The following ZNF226 variants were observed in gnomAD, a reference collection of about 807,000 sequenced individuals.
The protein encoded by ZNF226 is zinc finger protein 226.
Under a neutral mutation model 11.4 loss-of-function variants are expected in ZNF226, and 6 were observed. That is an observed-to-expected ratio of 0.53 (90% confidence interval 0.29 to 1.04). The LOEUF (loss-of-function observed/expected upper bound fraction) is 1.04, where lower values mean the gene tolerates loss of function less well. Among genes scored for constraint, ZNF226 ranks in the 50% least tolerant of loss-of-function variants. The probability of loss-of-function intolerance (pLI) is 0.08; values close to 1 mark genes in which losing one functional copy is unlikely to be tolerated. For missense variants in ZNF226, 1,058 were observed against 956.5 expected, an observed-to-expected ratio of 1.11 and a Z score of -1.40; for synonymous variants, 350 against 322.8, an observed-to-expected ratio of 1.08 and a Z score of -0.90.
the ZNF226 span, among the ~76,000 whole-genome samples, chr19:44,192,301 C>T: frequency 2.6e-5 from 4 of 151,710 alleles, no homozygotes; most frequent in African/African-American, 4.9e-5. Flanking sequence ...AGAGAGCGAG[C>T]GAGAGAGCGA....
chr19:44,180,532 A>G (rs1009970246), downstream of ZNF226, among the ~76,000 whole-genome samples: 1 of 152,202 alleles, frequency 6.6e-6, no homozygotes, highest in African/African-American at 2.4e-5. Context: ...TCAGTAGCTT[A>G]GTGAGTTAAG....
chr19:44,180,606 A>T (rs1970892814), downstream of ZNF226, among the ~76,000 whole-genome samples: 1 of 152,166 alleles, frequency 6.6e-6, no homozygotes, highest in African/African-American at 2.4e-5. Flanking sequence ...GGTTTATTAG[A>T]ATATAGCAAT....
intron 5 of ZNF226, chr19:44,173,349 A>G (rs1970334772): frequency 7.1e-6 from 2 of 283,016 alleles, no homozygotes; most frequent in Non-Finnish European, 1.3e-5. Context: ...CAGACCTATC[A>G]AGGATGCTTC....
the ZNF226 span, among the ~76,000 whole-genome samples, chr19:44,195,255 C>G: frequency 2.0e-5 from 3 of 152,032 alleles, no homozygotes; most frequent in Admixed American, 2.0e-4. Flanking sequence ...AAGAACTTAC[C>G]AAACGAAGGA....
Position 44,170,085 on chromosome 19 carries a change from A to T in ZNF226, c.5A>T (p.Asn2Ile), listed in dbSNP as rs771432384. Residue 2 changes from asparagine to isoleucine, a missense_variant, in exon 3 of 6, where the codon AAT becomes ATT. Coordinates refer to ENST00000337433, the MANE Select transcript of ZNF226 (RefSeq NM_001032373.2). M[N>I]MFKEAVTFKD... ...CCCCAGAAGGAAGAATTAAAAATGA[A>T]TATGTTCAAGGTGAGTAGAGCTTGC... is the stretch of plus-strand genomic sequence containing the variant. 3.6e-5 allele frequency: 58 copies of T among 1,612,362 alleles called. No individual in the cohort carries two copies. Among genetic ancestry groups the T allele is most frequent in the Non-Finnish European group, 4.7e-5 (56 of 1,179,132 alleles).
rs34967576 is a variant in ZNF226, at chr19:44,168,998, CTTTTTTTTT to C, written c.-46-1017_-46-1009del. Among the ~76,000 whole-genome samples, 5 of 90,818 alleles carry C rather than the reference CTTTTTTTTT, an allele frequency of 5.5e-5. 1 individual carries two copies. Among genetic ancestry groups the C allele is most frequent in the East Asian group, 6.0e-4 (2 of 3,342 alleles). 59.6% of individuals were successfully genotyped at this position (90,818 alleles called of 152,430 possible). A position where few individuals can be genotyped will look rare whatever the true frequency, so the allele number is the denominator to read the frequency against. On this transcript the variant is annotated intron_variant, in intron 2 of 5. Transcript: ENST00000337433. ...TATAGACTCAGGTTCCTCCCTTTTC[CTTTTTTTTT>C]TTTTTTTTTTTTTTTTTTTGAGACA...
chr19:44,175,453 TG>T, intron 5 of ZNF226, 44 bp from the exon 6 acceptor site: 1 of 1,528,376 alleles, frequency 6.5e-7, no homozygotes, highest in Non-Finnish European at 8.7e-7. Context: ...CTTAAATCTT[TG>T]AACAAAAAAA....
chr19:44,180,101 A>AC (rs1002723014), downstream of ZNF226, among the ~76,000 whole-genome samples: 8 of 150,722 alleles, frequency 5.3e-5, no homozygotes, highest in Non-Finnish European at 7.4e-5. Flanking sequence ...AAAAAAAAAA[A>AC]AAAAAAAAAA....
intron 3 of ZNF226, 31 bp downstream of exon 3, chr19:44,170,126 A>C: frequency 6.2e-7 from 1 of 1,609,258 alleles, no homozygotes; most frequent in Non-Finnish European, 8.5e-7. Context: ...CCAGCTGTTA[A>C]AAATACCATT....
chr19:44,194,916 CA>C, the ZNF226 span, among the ~76,000 whole-genome samples: 2 of 152,070 alleles, frequency 1.3e-5, no homozygotes, highest in South Asian at 4.1e-4. Context: ...GCAGGGAAAA[CA>C]AAAGAGCCAA....
intron 4 of ZNF226, chr19:44,172,623 A>G: frequency 2.0e-6 from 1 of 509,188 alleles, no homozygotes; most frequent in Non-Finnish European, 3.4e-6. Context: ...TGGGAGATTT[A>G]AGGAAAACAG....
chr19:44,192,753 G>A, the ZNF226 span, among the ~76,000 whole-genome samples: 1 of 152,186 alleles, frequency 6.6e-6, no homozygotes, highest in African/African-American at 2.4e-5. Context: ...AAAAGCTGCA[G>A]TTCAGAAGAC....
downstream of ZNF226, among the ~76,000 whole-genome samples, chr19:44,179,346 AAT>A (rs1362131071): frequency 1.3e-5 from 2 of 152,170 alleles, no homozygotes; most frequent in African/African-American, 4.8e-5. Flanking sequence ...TTTATAGTAA[AAT>A]ACTGTTATTT....
Position 44,177,607 on chromosome 19 carries a change from C to G in ZNF226, c.2345C>G (p.Ser782Cys). 1.2e-6 allele frequency: 2 copies of G among 1,613,638 alleles called. No homozygotes were observed. Among genetic ancestry groups the G allele is most frequent in the East Asian group, 4.5e-5 (2 of 44,874 alleles). Reference protein sequence around the residue: ...VHHRIHVGDKSYKSNRGGKNI... With the variant: ...VHHRIHVGDKCYKSNRGGKNI... Reference sequence around the variant, plus strand: ...CACAGAATCCATGTTGGTGATAAATCCTATAAAAGTAATAGGGGTGGTAAG... The same window carrying G: ...CACAGAATCCATGTTGGTGATAAATGCTATAAAAGTAATAGGGGTGGTAAG... The change falls in exon 6 of 6, where the codon TCC becomes TGC. Residue 782 changes from serine to cysteine, a missense_variant. Ser to Cys is a moderately radical substitution (Grantham distance 112, BLOSUM62 -1). Coordinates refer to ENST00000337433, the MANE Select transcript of ZNF226 (RefSeq NM_001032373.2).
At chr19:44,168,540 TTTC>T (rs1215140729) in intron 2 of ZNF226, among the ~76,000 whole-genome samples, 4 of 152,220 alleles carry the variant, frequency 2.6e-5, no homozygotes, top group Non-Finnish European at 4.4e-5. Flanking sequence ...TCAGACTTTA[TTTC>T]TTTTTTGCTC....
At chr19:44,177,875 TC>T (rs1970839881), downstream of ZNF226, 1 of 539,374 alleles carries the variant, frequency 1.9e-6, no homozygotes, top group African/African-American at 1.9e-5. Flanking sequence ...GTGAAATTTT[TC>T]TCAGGCCTTT....
the ZNF226 span, among the ~76,000 whole-genome samples, chr19:44,192,500 A>T: frequency 6.7e-6 from 1 of 150,346 alleles, no homozygotes; most frequent in Non-Finnish European, 1.5e-5. Flanking sequence ...ACGTAGATGT[A>T]AAAAAAACAA....
In ZNF226 at chr19:44,169,279, A is replaced by G. The variant is rs192926895; in HGVS notation, c.-46-756A>G. 1.9e-3 allele frequency among the ~76,000 whole-genome samples: 291 copies of G among 152,226 alleles called. 1 individual carries two copies. The highest frequency in any genetic ancestry group is 2.9e-3 in the Non-Finnish European group (194 of 68,010). On this transcript the variant is annotated intron_variant, in intron 2 of 5. Transcript: ENST00000337433. The stretch of plus-strand genomic sequence containing the variant: ...TGTCTTGGTTTCCCAAAGTGCTAGT[A>G]GGATTACAGGCATGAGCCACTGTGC...
chr19:44,191,280 A>C, the ZNF226 span, among the ~76,000 whole-genome samples: 48 of 152,314 alleles, frequency 3.2e-4, no homozygotes, highest in South Asian at 8.3e-4. Context: ...CATCATTAAA[A>C]ATCTGATGGG....
Sources: allele counts gnomAD v4.1 joint callset (sites outside exome capture counted in the v4.1 genomes callset), GRCh38; gene constraint gnomAD v4.1.1; transcripts MANE v1.5; gene names NCBI Gene and HGNC (gene_info 2026-07-23, HGNC 2026-07-21).